Variants in TEAD1 observed in about 807,000 individuals in gnomAD.
TEAD1 encodes TEA domain transcription factor 1.
Under a neutral mutation model 54.9 loss-of-function variants are expected in TEAD1, and 9 were observed. The observed-to-expected ratio is 0.16, with a 90% CI of 0.10 to 0.29. The LOEUF (loss-of-function observed/expected upper bound fraction) is 0.29, where lower values mean the gene tolerates loss of function less well. Ranked by LOEUF, TEAD1 falls within the 10% of genes least tolerant of loss-of-function variation. The pLI, the probability that TEAD1 is intolerant of heterozygous loss-of-function variation, is 1.00. For synonymous variants in TEAD1, 200 were observed against 187.8 expected (o/e 1.07, Z -0.53); for missense variants, 387 against 535.9 (o/e 0.72, Z 2.74).
rs1334326188 is a variant in TEAD1, at chr11:12,940,378, A to T, written c.*3156A>T. The T allele has an allele frequency of 2.6e-5, 4 of 152,140 alleles. No homozygotes were observed. Among genetic ancestry groups the T allele is most frequent in the Admixed American group, 2.6e-4 (4 of 15,284 alleles). The allele number at this position is 152,140 out of a possible 1,614,324, so 9.4% of individuals were successfully genotyped here. ...TTCCCCACCCAGCGTGTCTCCAGAT[A>T]TTGTCAAATATCCCATCGGGTGCAA... On this transcript the variant is annotated 3_prime_UTR_variant, in exon 13 of 13. Coordinates refer to ENST00000527636, the MANE Select transcript of TEAD1 (RefSeq NM_021961.6).
chr11:12,872,268 C>T (rs1224313254), intron 5 of TEAD1, among the ~76,000 whole-genome samples: 1 of 152,196 alleles, frequency 6.6e-6, no homozygotes, highest in Non-Finnish European at 1.5e-5. Flanking sequence ...GTGAAGCCCC[C>T]TGAGCCACTC....
At chr11:12,904,849 C>T in intron 10 of TEAD1, 1 of 359,466 alleles carries the variant, frequency 2.8e-6, no homozygotes, top group Non-Finnish European at 5.3e-6. Flanking sequence ...GATCACCAAA[C>T]TGCTGCTAGA....
At chr11:12,803,830 C>T (rs911306945) in intron 3 of TEAD1, among the ~76,000 whole-genome samples, 1 of 152,184 alleles carries the variant, frequency 6.6e-6, no homozygotes, top group Non-Finnish European at 1.5e-5. Context: ...TCCAAGGAGT[C>T]GTTGCCTGCC....
intron 3 of TEAD1, among the ~76,000 whole-genome samples, chr11:12,802,819 G>A (rs1449671293): frequency 1.3e-5 from 2 of 152,178 alleles, no homozygotes; most frequent in Non-Finnish European, 2.9e-5. Context: ...TGTTCTCCTG[G>A]TTGAAAGCAG....
intron 3 of TEAD1, among the ~76,000 whole-genome samples, chr11:12,846,503 CT>C (rs146989985): frequency 4.5e-4 from 66 of 145,466 alleles, no homozygotes; most frequent in Admixed American, 6.2e-4. Context: ...TGGGCTCTGC[CT>C]TTTTTTTTTT....
chr11:12,675,252 G>A (rs1943055602), intron 1 of TEAD1, among the ~76,000 whole-genome samples, 157 bp from the exon 2 acceptor site: 1 of 151,874 alleles, frequency 6.6e-6, no homozygotes, highest in African/African-American at 2.4e-5. Context: ...CTCGGAGCCC[G>A]GAGCCGGCCT....
chr11:12,878,853 C>T, intron 5 of TEAD1: 1 of 1,258,956 alleles, frequency 7.9e-7, no homozygotes, highest in Non-Finnish European at 1.0e-6. Context: ...CCTTTTTATG[C>T]AATCCTTTTA....
intron 3 of TEAD1, among the ~76,000 whole-genome samples, chr11:12,772,672 C>A (rs80065115): frequency 0.036 from 5,550 of 152,088 alleles, 368 homozygotes; most frequent in African/African-American, 0.13. Flanking sequence ...GAAATAATAC[C>A]CAAAGGGATC....
chr11:12,782,011 G>T (rs116299129), intron 3 of TEAD1, among the ~76,000 whole-genome samples: 1 of 150,158 alleles, frequency 6.7e-6, no homozygotes, highest in Non-Finnish European at 1.5e-5. Context: ...TTAGCCAAGC[G>T]TGGTAGTGCA....
At chr11:12,905,948 C>T (rs891205319) in intron 10 of TEAD1, among the ~76,000 whole-genome samples, 3 of 152,170 alleles carry the variant, frequency 2.0e-5, no homozygotes, top group Non-Finnish European at 4.4e-5. Context: ...GATGCAGGCA[C>T]CTCAGTTCTG....
At position 12,764,165 on chromosome 11, in the gene TEAD1, G is replaced by T; in HGVS notation, c.-54-14G>T. 3 of 1,547,708 alleles carry T rather than the reference G, an allele frequency of 1.9e-6. No individual in the cohort carries two copies. Among genetic ancestry groups the T allele is most frequent in the South Asian group, 1.2e-5 (1 of 80,782 alleles). Reference sequence around the variant, plus strand: ...TTACCACATCCTTATACTGTTTTTGGTTTTCTCTTCTAGGTTTATTTTCTT... The same window carrying T: ...TTACCACATCCTTATACTGTTTTTGTTTTTCTCTTCTAGGTTTATTTTCTT... On this transcript the variant is annotated splice_polypyrimidine_tract_variant and intron_variant, in intron 2 of 12. Transcript: ENST00000527636.
chr11:12,731,256 T>A (rs560540292), intron 2 of TEAD1, among the ~76,000 whole-genome samples: 2 of 152,164 alleles, frequency 1.3e-5, no homozygotes, highest in Non-Finnish European at 2.9e-5. Context: ...ATTTTTCTTA[T>A]CAGATTTGCA....
chr11:12,818,736 G>A (rs1946468627), intron 3 of TEAD1, among the ~76,000 whole-genome samples: 1 of 152,202 alleles, frequency 6.6e-6, no homozygotes, highest in African/African-American at 2.4e-5. Context: ...GTGTGAAATT[G>A]TCCGCAGGTA....
intron 2 of TEAD1, among the ~76,000 whole-genome samples, chr11:12,732,612 A>G (rs1944446509): frequency 1.3e-5 from 2 of 152,220 alleles, no homozygotes; most frequent in Non-Finnish European, 2.9e-5. Flanking sequence ...GAGGGTACTC[A>G]GTTGACTGGA....
rs1023236261 is a variant in TEAD1, at chr11:12,942,249, GAA to G, written c.*5030_*5031del. The G allele has an allele frequency of 7.2e-5, 11 of 152,606 alleles. No individual in the cohort carries two copies. The highest frequency in any genetic ancestry group is 2.7e-4 in the African/African-American group (11 of 41,446). The allele number at this position is 152,606 out of a possible 1,614,324, so 9.5% of individuals were successfully genotyped here. On this transcript the variant is annotated 3_prime_UTR_variant, in exon 13 of 13. Coordinates refer to ENST00000527636, the MANE Select transcript of TEAD1 (RefSeq NM_021961.6). ...GCCTTTGGTTTGAGATTCCAGCTTA[GAA>G]AAGTGCTGCCATAATAACGATAATT... is the stretch of plus-strand genomic sequence containing the variant.
At chr11:12,848,294 G>A (rs1165803000) in intron 3 of TEAD1, among the ~76,000 whole-genome samples, 1 of 152,200 alleles carries the variant, frequency 6.6e-6, no homozygotes, top group Non-Finnish European at 1.5e-5. Flanking sequence ...AGAGGAAAGT[G>A]CCTTGGGGCC....
At chr11:12,678,161 T>C (rs550924059) in intron 2 of TEAD1, among the ~76,000 whole-genome samples, 1 of 152,362 alleles carries the variant, frequency 6.6e-6, no homozygotes, top group South Asian at 2.1e-4. Flanking sequence ...CTCCAAAGAC[T>C]GAAGAATGTG....
intron 3 of TEAD1, among the ~76,000 whole-genome samples, chr11:12,791,294 C>A (rs535211215): frequency 2.6e-5 from 4 of 152,316 alleles, no homozygotes; most frequent in East Asian, 1.9e-4. Context: ...TCTGTAGAAA[C>A]CTTTATCAAG....
intron 3 of TEAD1, among the ~76,000 whole-genome samples, chr11:12,810,214 C>T (rs528823820): frequency 3.9e-5 from 6 of 152,088 alleles, no homozygotes; most frequent in Admixed American, 2.0e-4. Flanking sequence ...CTCTTGACCT[C>T]GTGATCCGCC....
Sources: gnomAD v4.1 joint callset for allele counts (sites outside exome capture counted in the v4.1 genomes callset) on GRCh38, gnomAD v4.1.1 for gene constraint, MANE v1.5 for transcripts, NCBI Gene and HGNC (gene_info 2026-07-23, HGNC 2026-07-21) for gene names.